The following CCDC60 variants were observed in gnomAD, a reference collection of about 807,000 sequenced individuals.
The protein encoded by CCDC60 is coiled-coil domain containing 60.
CCDC60 carries 54 observed loss-of-function variants against 63.5 expected under a neutral mutation model. The observed-to-expected ratio is 0.85, with a 90% CI of 0.68 to 1.07. The LOEUF is 1.07. Ranked by LOEUF, CCDC60 falls within the 50% of genes least tolerant of loss-of-function variation. CCDC60 has a pLI of 0.00. For missense variants in CCDC60, 651 were observed against 684.3 expected, an observed-to-expected ratio of 0.95 and a Z score of 0.54; for synonymous variants, 206 against 238.8, an observed-to-expected ratio of 0.86 and a Z score of 1.27.
chr12:119,537,575 G>T (rs1024916013), intron 13 of CCDC60, among the ~76,000 whole-genome samples: 2 of 152,166 alleles, frequency 1.3e-5, no homozygotes, highest in Admixed American at 6.6e-5. Context: ...TTTGTTGGTG[G>T]TGACCTACAG....
At chr12:119,411,325 G>A (rs1444393119) in intron 1 of CCDC60, among the ~76,000 whole-genome samples, 1 of 152,104 alleles carries the variant, frequency 6.6e-6, no homozygotes, top group Non-Finnish European at 1.5e-5. Context: ...GAAGGGAGGA[G>A]GCCAGACAGT....
chr12:119,514,978 C>T (rs942130283), intron 7 of CCDC60, among the ~76,000 whole-genome samples: 4 of 152,212 alleles, frequency 2.6e-5, no homozygotes, highest in Non-Finnish European at 5.9e-5. Context: ...AGTACAGTAA[C>T]ATGCTGTACA....
At chr12:119,444,892 T>C (rs1160276260) in intron 2 of CCDC60, among the ~76,000 whole-genome samples, 1 of 152,194 alleles carries the variant, frequency 6.6e-6, no homozygotes, top group Non-Finnish European at 1.5e-5. Context: ...TTCTGGCCCT[T>C]TCTTGCTGAA....
At chr12:119,414,449 G>A (rs570663209) in intron 1 of CCDC60, among the ~76,000 whole-genome samples, 6 of 152,322 alleles carry the variant, frequency 3.9e-5, no homozygotes, top group African/African-American at 1.4e-4. Flanking sequence ...GTGGAATAAT[G>A]TCTTTCCTTC....
chr12:119,397,969 GGC>G (rs1956300440), intron 1 of CCDC60, among the ~76,000 whole-genome samples: 1 of 25,660 alleles, frequency 3.9e-5, no homozygotes, highest in African/African-American at 1.8e-4. Context: ...GGAAGGGGGT[GGC>G]GTGGGGAGTG....
intron 13 of CCDC60, among the ~76,000 whole-genome samples, chr12:119,538,887 T>C (rs1953082185): frequency 6.6e-6 from 1 of 152,218 alleles, no homozygotes; most frequent in Non-Finnish European, 1.5e-5. Context: ...GTGGATGTGC[T>C]TTTTGTTGAT....
At chr12:119,416,543 A>G (rs1010403697) in intron 1 of CCDC60, among the ~76,000 whole-genome samples, 1 of 152,202 alleles carries the variant, frequency 6.6e-6, no homozygotes, top group Non-Finnish European at 1.5e-5. Flanking sequence ...CAAAGAACAA[A>G]TAGAACTTAC....
chr12:119,383,254 T>C (rs1956026624), intron 1 of CCDC60, among the ~76,000 whole-genome samples: 1 of 152,092 alleles, frequency 6.6e-6, no homozygotes, highest in African/African-American at 2.4e-5. Context: ...AAAAATAAAA[T>C]TAAAAATATA....
At chr12:119,523,505 A>T (rs1272037217) in intron 10 of CCDC60, among the ~76,000 whole-genome samples, 188 bp from the exon 11 acceptor site, 1 of 152,174 alleles carries the variant, frequency 6.6e-6, no homozygotes, top group South Asian at 2.1e-4. Flanking sequence ...TGCTATTGGG[A>T]AGATCTGTCC....
intron 4 of CCDC60, among the ~76,000 whole-genome samples, chr12:119,482,323 G>T (rs1341718135): frequency 2.0e-5 from 3 of 151,680 alleles, no homozygotes; most frequent in Non-Finnish European, 4.4e-5. Flanking sequence ...TGTTACATAG[G>T]CTATTACTAT....
intron 2 of CCDC60, among the ~76,000 whole-genome samples, chr12:119,439,150 CAAA>C (rs11317847): frequency 0.023 from 1,693 of 72,370 alleles, 31 homozygotes; most frequent in African/African-American, 0.078. Context: ...CTTTTCTGGG[CAAA>C]AAAAAAAAAA....
At position 119,502,931 on chromosome 12, in the gene CCDC60, G is replaced by T. The variant is rs527553458; in HGVS notation, c.649-2138G>T. 2.0e-4 allele frequency among the ~76,000 whole-genome samples: 31 copies of T among 152,322 alleles called. 1 individual carries two copies. The South Asian group carries it at 6.2e-3, about 31-fold the overall frequency. ...CACCTATGATCCCAGCACTTTGGGA[G>T]ACCAAGGCGGGCAGATTGCTTGAGC... is the stretch of plus-strand genomic sequence containing the variant. On this transcript the variant is annotated intron_variant, in intron 6 of 13. Transcript: ENST00000327554.
At chr12:119,447,227 C>A (rs191567864) in intron 2 of CCDC60, among the ~76,000 whole-genome samples, 1 of 152,240 alleles carries the variant, frequency 6.6e-6, no homozygotes, top group African/African-American at 2.4e-5. Flanking sequence ...CCTCTTTGCA[C>A]GGTGACAGGC....
Position 119,413,991 on chromosome 12 carries a change from C to T in CCDC60, c.91-14692C>T, listed in dbSNP as rs556827161. Among the ~76,000 whole-genome samples, 88 of 152,116 alleles carry T rather than the reference C, an allele frequency of 5.8e-4. 1 individual carries two copies. The South Asian group carries it at 9.4e-3, about 16-fold the overall frequency. ...CCCCTCCCTCACCTCTTCTCCCAGG[C>T]CCCCTCCTAACCCTGCACTGTCTAT... is the stretch of plus-strand genomic sequence containing the variant. On this transcript the variant is annotated intron_variant, in intron 1 of 13. Transcript: ENST00000327554.
At chr12:119,464,694 C>T (rs995856680) in intron 2 of CCDC60, among the ~76,000 whole-genome samples, 1 of 152,140 alleles carries the variant, frequency 6.6e-6, no homozygotes, top group African/African-American at 2.4e-5. Context: ...GATCAGAAGA[C>T]TGATGAAACT....
In CCDC60 at chr12:119,516,689, T is replaced by G; in HGVS notation, c.950T>G (p.Met317Arg). ...ARRTVTIENG[M>R]QRKAPSILSV... ...AGGACAGTCACAATAGAAAATGGGA[T>G]GCAAAGAAAAGCACCCAGGTATGTG... The change falls in exon 8 of 14, where the codon ATG becomes AGG. Residue 317 changes from methionine (M) to arginine (R), a missense_variant. Met to Arg is a moderately conservative substitution (Grantham distance 91). Transcript: ENST00000327554. 6.2e-7 allele frequency: 1 copy of G among 1,613,358 alleles called. No individual in the cohort carries two copies. The highest frequency in any genetic ancestry group is 8.5e-7 in the Non-Finnish European group (1 of 1,179,414).
At chr12:119,414,888 C>T (rs1956672386) in intron 1 of CCDC60, among the ~76,000 whole-genome samples, 1 of 152,180 alleles carries the variant, frequency 6.6e-6, no homozygotes, top group Non-Finnish European at 1.5e-5. Flanking sequence ...GGGTTCTCAT[C>T]CTGGTTCTGA....
At chr12:119,349,778 G>A (rs1955636457) in intron 1 of CCDC60, among the ~76,000 whole-genome samples, 1 of 152,166 alleles carries the variant, frequency 6.6e-6, no homozygotes, top group African/African-American at 2.4e-5. Flanking sequence ...TGTAATGTCA[G>A]TAATCACGAA....
At chr12:119,453,526 G>T (rs1950672290) in intron 2 of CCDC60, among the ~76,000 whole-genome samples, 1 of 152,166 alleles carries the variant, frequency 6.6e-6, no homozygotes, top group Admixed American at 6.5e-5. Context: ...TGGCACAGTG[G>T]ACTCACAGAC....
Sources: gnomAD v4.1 joint callset for allele counts (sites outside exome capture counted in the v4.1 genomes callset) on GRCh38, gnomAD v4.1.1 for gene constraint, MANE v1.5 for transcripts, NCBI Gene and HGNC (gene_info 2026-07-23, HGNC 2026-07-21) for gene names.